The following TF variants were observed in gnomAD, a reference collection of about 807,000 sequenced individuals.
TF encodes transferrin.
In TF, 55 loss-of-function variants were observed where a neutral mutation model predicts 82.4. The ratio of observed to expected loss-of-function variants is 0.67; its 90% CI spans 0.54 to 0.84. TF has a LOEUF of 0.84. Ranked by LOEUF, TF falls within the 40% of genes least tolerant of loss-of-function variation. TF has a pLI of 0.00. For missense variants in TF, 737 were observed against 868.4 expected (o/e 0.85, Z 1.90); for synonymous variants, 332 against 332.6 (o/e 1.00, Z 0.02).
the TF span, among the ~76,000 whole-genome samples, chr3:133,671,621 T>TA: frequency 1.3e-5 from 2 of 151,398 alleles, no homozygotes; most frequent in Non-Finnish European, 2.9e-5. Flanking sequence ...CCATCTCCAC[T>TA]AAAAAATAAA....
rs1379362036 is a variant in TF at position 133,778,926 on chromosome 3, T to C, written c.*306T>C. ...TTTCCCTACAGCTTTGTGTGTGCCA[T>C]GGCCACATCTCCTGGGTACAGTTCA... On this transcript the variant is annotated 3_prime_UTR_variant, in exon 17 of 17. Transcript: ENST00000402696. The C allele has an allele frequency of 2.8e-6, 1 of 360,934 alleles. No homozygotes were observed. Among genetic ancestry groups the C allele is most frequent in the Non-Finnish European group, 5.3e-6 (1 of 188,372 alleles). 22.4% of individuals were successfully genotyped at this position (360,934 alleles called of 1,614,324 possible).
At chr3:133,737,754 C>G in the TF span, among the ~76,000 whole-genome samples, 3 of 152,178 alleles carry the variant, frequency 2.0e-5, no homozygotes, top group East Asian at 1.9e-4. Context: ...CCTCCCAAGA[C>G]TAAACCAGGC....
the TF span, among the ~76,000 whole-genome samples, chr3:133,697,358 T>C: frequency 2.0e-5 from 3 of 152,224 alleles, no homozygotes; most frequent in Admixed American, 2.0e-4. Context: ...CAATTTTAAT[T>C]AGTGGGGTCA....
At chr3:133,737,027 C>T in the TF span, among the ~76,000 whole-genome samples, 1 of 152,194 alleles carries the variant, frequency 6.6e-6, no homozygotes, top group African/African-American at 2.4e-5. Context: ...TCCTTCTCAG[C>T]ACCACATCGC....
At chr3:133,772,709 T>G (rs1264363126) in intron 14 of TF, 3 of 66,816 alleles carry the variant, frequency 4.5e-5, no homozygotes, top group Non-Finnish European at 3.0e-5. Flanking sequence ...AAACGTGTCT[T>G]TTTTCAAACT....
chr3:133,714,756 C>A, the TF span, among the ~76,000 whole-genome samples: 1 of 152,090 alleles, frequency 6.6e-6, no homozygotes. Context: ...GATCTCGGCT[C>A]AATGAAACCT....
the TF span, among the ~76,000 whole-genome samples, chr3:133,677,186 A>C: frequency 3.3e-5 from 5 of 152,204 alleles, no homozygotes; most frequent in African/African-American, 1.2e-4. Flanking sequence ...GGTGAGCATC[A>C]GCAGCTTTCC....
chr3:133,726,053 GT>G, the TF span, among the ~76,000 whole-genome samples: 6 of 152,152 alleles, frequency 3.9e-5, no homozygotes, highest in East Asian at 1.9e-4. Flanking sequence ...GCTGGATTCG[GT>G]TTGCCAGTAT....
At chr3:133,770,284 CA>C (rs1559876889) in intron 13 of TF, among the ~76,000 whole-genome samples, 2 of 152,144 alleles carry the variant, frequency 1.3e-5, no homozygotes, top group African/African-American at 4.8e-5. Flanking sequence ...AGAAACAGTA[CA>C]AAAAATTAAG....
chr3:133,750,161 G>A (rs1049490898), intron 2 of TF, among the ~76,000 whole-genome samples: 3 of 152,146 alleles, frequency 2.0e-5, no homozygotes, highest in Non-Finnish European at 4.4e-5. Flanking sequence ...GAGGTCAGGG[G>A]CCTATCATCA....
chr3:133,694,829 G>A, the TF span, among the ~76,000 whole-genome samples: 1 of 151,778 alleles, frequency 6.6e-6, no homozygotes, highest in African/African-American at 2.4e-5. Context: ...TAGTCTCCAT[G>A]TAAAGGCTTT....
At chr3:133,723,477 GTTT>G in the TF span, among the ~76,000 whole-genome samples, 1 of 133,586 alleles carries the variant, frequency 7.5e-6, no homozygotes, top group Non-Finnish European at 1.6e-5. Flanking sequence ...TTTTATTCTT[GTTT>G]TTTTTTTTTT....
Position 133,746,495 on chromosome 3 carries a change from C to T in TF, c.43+12C>T, listed in dbSNP as rs754965688. 1 of 1,593,320 alleles carries T rather than the reference C, an allele frequency of 6.3e-7. No individual in the cohort carries two copies. Among genetic ancestry groups the T allele is most frequent in the Non-Finnish European group, 8.5e-7 (1 of 1,175,344 alleles). The stretch of plus-strand genomic sequence containing the variant: ...CTGCGCCGTCCTGGGTGAGTGCGGG[C>T]ACGGGGTAGCACCGCAGAGTCGCTG... On this transcript the variant is annotated intron_variant, in intron 1 of 16. Transcript: ENST00000402696.
chr3:133,749,124 G>A (rs962544336), intron 2 of TF, among the ~76,000 whole-genome samples: 1 of 152,178 alleles, frequency 6.6e-6, no homozygotes, highest in African/African-American at 2.4e-5. Context: ...TCCTGCCACT[G>A]CACTCCAGCC....
chr3:133,760,008 T>A (rs1410044562), intron 9 of TF, among the ~76,000 whole-genome samples: 2 of 152,026 alleles, frequency 1.3e-5, no homozygotes, highest in Non-Finnish European at 2.9e-5. Context: ...AGTAAGCTTT[T>A]CCCATATCAT....
At chr3:133,692,194 T>A in the TF span, among the ~76,000 whole-genome samples, 3 of 152,208 alleles carry the variant, frequency 2.0e-5, no homozygotes, top group African/African-American at 4.8e-5. Context: ...TAACCCTGCC[T>A]GGGCAACAGA....
At chr3:133,740,712 A>G in the TF span, among the ~76,000 whole-genome samples, 4 of 152,156 alleles carry the variant, frequency 2.6e-5, no homozygotes, top group Non-Finnish European at 4.4e-5. Context: ...TTGGGAGTAC[A>G]TTGAATTTCT....
intron 14 of TF, among the ~76,000 whole-genome samples, chr3:133,772,156 T>C (rs867215908): frequency 8.5e-5 from 13 of 152,380 alleles, no homozygotes; most frequent in African/African-American, 2.9e-4. Context: ...CTTCATCTTA[T>C]ATTCCCAGAA....
the TF span, chr3:133,693,025 T>C: frequency 6.6e-6 from 1 of 152,370 alleles, no homozygotes; most frequent in Non-Finnish European, 1.5e-5. Flanking sequence ...CATTGTGAAG[T>C]GTATGTGTCC....
Sources: allele counts gnomAD v4.1 joint callset (sites outside exome capture counted in the v4.1 genomes callset), GRCh38; gene constraint gnomAD v4.1.1; transcripts MANE v1.5; gene names NCBI Gene and HGNC (gene_info 2026-07-23, HGNC 2026-07-21).